The following PTPRD variants were observed in gnomAD, a reference collection of about 807,000 sequenced individuals.
The protein encoded by PTPRD is receptor-type tyrosine-protein phosphatase delta.
A neutral mutation model predicts 214.5 loss-of-function variants in PTPRD; 34 were observed. That is an observed-to-expected ratio of 0.16 (90% confidence interval 0.12 to 0.21). The LOEUF is 0.21. Ranked by LOEUF, PTPRD falls within the 10% of genes least tolerant of loss-of-function variation. PTPRD has a pLI of 1.00. For synonymous variants in PTPRD, 1,128 were observed against 845.7 expected, an observed-to-expected ratio of 1.33 and a Z score of -5.79; for missense variants, 2,545 against 2,398.7, an observed-to-expected ratio of 1.06 and a Z score of -1.27.
chr9:10,475,564 A>AGCTG (rs1169747606), intron 2 of PTPRD, among the ~76,000 whole-genome samples: 9 of 152,130 alleles, frequency 5.9e-5, no homozygotes, highest in Non-Finnish European at 1.3e-4. Context: ...TACAAAGAGG[A>AGCTG]GCTGGTACCA....
chr9:8,873,231 G>T (rs1159269144), intron 11 of PTPRD, among the ~76,000 whole-genome samples: 1 of 152,120 alleles, frequency 6.6e-6, no homozygotes, highest in Non-Finnish European at 1.5e-5. Flanking sequence ...TTGAATGAAG[G>T]AATCTTTATA....
intron 8 of PTPRD, among the ~76,000 whole-genome samples, chr9:9,519,830 C>A (rs1445620921): frequency 6.6e-6 from 1 of 151,958 alleles, no homozygotes; most frequent in Non-Finnish European, 1.5e-5. Flanking sequence ...GAAAAGTTAT[C>A]ATATAAAACC....
chr9:9,747,105 AT>A (rs1326939237), intron 6 of PTPRD, among the ~76,000 whole-genome samples: 2 of 152,146 alleles, frequency 1.3e-5, no homozygotes, highest in African/African-American at 4.8e-5. Flanking sequence ...TATTGTAGAA[AT>A]AAAGAAGTTT....
intron 10 of PTPRD, among the ~76,000 whole-genome samples, chr9:9,127,122 A>G (rs1465834763): frequency 2.0e-5 from 3 of 152,192 alleles, no homozygotes; most frequent in African/African-American, 7.2e-5. Flanking sequence ...ACAGGTACCC[A>G]CACACACACT....
intron 11 of PTPRD, among the ~76,000 whole-genome samples, chr9:8,985,729 A>G (rs941666681): frequency 2.0e-5 from 3 of 151,924 alleles, no homozygotes; most frequent in African/African-American, 7.2e-5. Flanking sequence ...GTCTATGAGA[A>G]GTTATATATG....
At chr9:9,578,992 G>C (rs1013266366) in intron 7 of PTPRD, among the ~76,000 whole-genome samples, 12 of 152,012 alleles carry the variant, frequency 7.9e-5, no homozygotes, top group African/African-American at 2.9e-4. Flanking sequence ...AGATAAAACT[G>C]AGCTATAAGT....
chr9:9,908,762 TATAAC>T (rs1361813196), intron 5 of PTPRD, among the ~76,000 whole-genome samples: 2 of 152,000 alleles, frequency 1.3e-5, no homozygotes, highest in African/African-American at 4.8e-5. Context: ...ACAAACAAAA[TATAAC>T]ATATTTATCT....
At chr9:8,632,315 TATAAA>T (rs1371803338) in intron 14 of PTPRD, among the ~76,000 whole-genome samples, 2 of 151,902 alleles carry the variant, frequency 1.3e-5, no homozygotes, top group African/African-American at 4.8e-5. Context: ...TTATAAAAGA[TATAAA>T]GTAAAACCAT....
At position 8,486,182 on chromosome 9, in the gene PTPRD, G is replaced by T. The variant is rs201583436; in HGVS notation, c.2635C>A (p.His879Asn). 1.2e-6 allele frequency: 2 copies of T among 1,614,060 alleles called. No individual in the cohort carries two copies. The highest frequency in any genetic ancestry group is 1.7e-6 in the Non-Finnish European group (2 of 1,180,034). The change falls in exon 28 of 46, where the codon CAC (histidine) becomes AAC (asparagine). Residue 879 changes from histidine (H) to asparagine (N), a missense_variant. Physicochemically the swap from His to Asn is moderately conservative, Grantham distance 68. Coordinates refer to ENST00000381196, the MANE Select transcript of PTPRD (RefSeq NM_002839.4). ...TTLEFSEKED[H>N]FTATDIHKGA... Reference sequence around the variant, plus strand: ...TTGTGGATGTCTGTAGCTGTAAAGTGATCTTCTTTTTCAGAGAACTCAAGA... The same window carrying T: ...TTGTGGATGTCTGTAGCTGTAAAGTTATCTTCTTTTTCAGAGAACTCAAGA...
At chr9:9,716,275 T>C (rs202220414) in intron 7 of PTPRD, among the ~76,000 whole-genome samples, 8 of 152,162 alleles carry the variant, frequency 5.3e-5, no homozygotes, top group South Asian at 4.1e-4. Flanking sequence ...TGGGTTGGTT[T>C]CAAGTCTTTG....
intron 14 of PTPRD, among the ~76,000 whole-genome samples, chr9:8,584,229 T>C (rs1594551963): frequency 6.6e-6 from 1 of 152,090 alleles, no homozygotes; most frequent in South Asian, 2.1e-4. Context: ...CCATAGCAAA[T>C]ATATTTTCCA....
intron 26 of PTPRD, among the ~76,000 whole-genome samples, chr9:8,495,348 C>A (rs1215313963): frequency 6.6e-6 from 1 of 152,174 alleles, no homozygotes; most frequent in Non-Finnish European, 1.5e-5. Flanking sequence ...GCCAATTCTT[C>A]CTTTTATTGA....
chr9:8,438,343 A>T (rs1269894384), intron 34 of PTPRD, among the ~76,000 whole-genome samples: 1 of 152,198 alleles, frequency 6.6e-6, no homozygotes, highest in East Asian at 1.9e-4. Flanking sequence ...ATGGCTATGA[A>T]GGTCTGCTTC....
chr9:9,036,155 TC>T lies in PTPRD; in HGVS notation c.-142-17421del, dbSNP rs1287394716. Among the ~76,000 whole-genome samples the T allele has an allele frequency of 8.6e-5, 13 of 151,766 alleles. No homozygotes were observed. In the South Asian group the frequency reaches 2.1e-3, roughly 24 times the overall value. ...AAGTCTTGCTTCAATAATCATAAAT[TC>T]TTATTGGCCTCTGGATAGGATTGCC... On this transcript the variant is annotated intron_variant, in intron 10 of 45. Transcript: ENST00000381196.
At chr9:9,966,157 T>C (rs1012776598) in intron 4 of PTPRD, among the ~76,000 whole-genome samples, 4 of 152,120 alleles carry the variant, frequency 2.6e-5, no homozygotes, top group Admixed American at 6.6e-5. Context: ...CCATCCTAAA[T>C]TGGCAATTCT....
intron 5 of PTPRD, among the ~76,000 whole-genome samples, chr9:9,908,821 C>T (rs10978078): frequency 0.14 from 21,702 of 151,856 alleles, 1,655 homozygotes; most frequent in South Asian, 0.24. Flanking sequence ...GGCACTCATA[C>T]AAATGCTAGG....
At chr9:9,744,603 G>T (rs2154458636) in intron 6 of PTPRD, among the ~76,000 whole-genome samples, 1 of 151,928 alleles carries the variant, frequency 6.6e-6, no homozygotes, top group East Asian at 1.9e-4. Flanking sequence ...CCTAAATTCT[G>T]CTTGGAAGAA....
At chr9:10,179,770 G>A (rs1181383327) in intron 3 of PTPRD, among the ~76,000 whole-genome samples, 1 of 152,032 alleles carries the variant, frequency 6.6e-6, no homozygotes, top group Non-Finnish European at 1.5e-5. Flanking sequence ...CCCAGGGTTA[G>A]TATTCAACCT....
chr9:9,230,415 A>T (rs7018892), intron 9 of PTPRD, among the ~76,000 whole-genome samples: 1 of 151,956 alleles, frequency 6.6e-6, no homozygotes, highest in Non-Finnish European at 1.5e-5. Context: ...CTGAGTAAAT[A>T]TAAGTACAGT....
Sources: gnomAD v4.1 joint callset for allele counts (sites outside exome capture counted in the v4.1 genomes callset) on GRCh38, gnomAD v4.1.1 for gene constraint, MANE v1.5 for transcripts, NCBI Gene and HGNC (gene_info 2026-07-23, HGNC 2026-07-21) for gene names.